Variants in NCOA4 observed in about 807,000 individuals in gnomAD.
The protein encoded by NCOA4 is 70 kDa AR-activator.
In NCOA4, 31 loss-of-function variants were observed where a neutral mutation model predicts 69.5. The ratio of observed to expected loss-of-function variants is 0.45; its 90% CI spans 0.34 to 0.60. The LOEUF (loss-of-function observed/expected upper bound fraction) is 0.60. Ranked by LOEUF, NCOA4 falls within the 20% of genes least tolerant of loss-of-function variation. NCOA4 has a pLI of 0.02. For synonymous variants in NCOA4, 228 were observed against 252.4 expected (o/e 0.90, Z 0.92); for missense variants, 600 against 719.2 (o/e 0.83, Z 1.90).
intron 1 of NCOA4, among the ~76,000 whole-genome samples, chr10:46,018,484 A>G (rs1554923771): frequency 1.3e-5 from 2 of 152,220 alleles, no homozygotes; most frequent in African/African-American, 2.4e-5. Flanking sequence ...AGCCTGTTCC[A>G]TGTTTATTAG....
rs782808256 is a variant in NCOA4 at position 46,010,299 on chromosome 10, A to G, written c.1622T>C (p.Leu541Pro). 3 of 1,614,084 alleles carry G rather than the reference A, an allele frequency of 1.9e-6. No homozygotes were observed. Among genetic ancestry groups the G allele is most frequent in the Admixed American group, 1.7e-5 (1 of 59,984 alleles). Reference sequence around the variant, plus strand: ...GAGGTTGCCCATCTTCTTTCCTGGCAGGACCCAGTCAGCTGTGTTAAAGGA... The same window carrying G: ...GAGGTTGCCCATCTTCTTTCCTGGCGGGACCCAGTCAGCTGTGTTAAAGGA... Reference protein sequence around the residue: ...WCSFNTADWVLPGKKMGNLSQ... With the variant: ...WCSFNTADWVPPGKKMGNLSQ... Residue 541 changes from leucine to proline, a missense_variant, in exon 8 of 10, where the codon CTG (leucine) becomes CCG (proline). By Grantham distance (98) the Leu-to-Pro change is moderately conservative (BLOSUM62 -3). Coordinates refer to ENST00000581486, the MANE Select transcript of NCOA4 (RefSeq NM_001145263.2).
intron 1 of NCOA4, chr10:46,022,575 C>G: frequency 2.5e-6 from 1 of 403,154 alleles, no homozygotes; most frequent in Non-Finnish European, 5.0e-6. Context: ...ATTCTCCTGT[C>G]TCAGCCTCCC....
At chr10:46,021,984 A>T in intron 1 of NCOA4, among the ~76,000 whole-genome samples, 1 of 152,106 alleles carries the variant, frequency 6.6e-6, no homozygotes, top group South Asian at 2.1e-4. Flanking sequence ...AAATAAATAA[A>T]CAGTACCCTT....
intron 1 of NCOA4, among the ~76,000 whole-genome samples, chr10:46,023,066 G>A (rs898983780): frequency 2.0e-5 from 3 of 152,208 alleles, no homozygotes; most frequent in Admixed American, 2.0e-4. Flanking sequence ...ATTTTCTAAA[G>A]TAGTAACTGA....
intron 9 of NCOA4, among the ~76,000 whole-genome samples, chr10:46,008,418 A>G (rs1374629340): frequency 6.6e-6 from 1 of 152,228 alleles, no homozygotes; most frequent in African/African-American, 2.4e-5. Flanking sequence ...GATGGCTTGG[A>G]GGAACTCAGG....
At chr10:46,023,319 G>A in intron 1 of NCOA4, 1 of 985,570 alleles carries the variant, frequency 1.0e-6, no homozygotes, top group Non-Finnish European at 1.2e-6. Flanking sequence ...CCCCTGGGCT[G>A]CCAGACGTAC....
At chr10:46,007,578 A>ACC (rs1838910007) in intron 9 of NCOA4, among the ~76,000 whole-genome samples, 1 of 118,764 alleles carries the variant, frequency 8.4e-6, no homozygotes, top group Non-Finnish European at 1.7e-5. Context: ...ACAGCCAGTG[A>ACC]CTCTTTTTTT....
chr10:46,027,509 AG>A, intron 1 of NCOA4: 2 of 1,544,284 alleles, frequency 1.3e-6, no homozygotes, highest in Non-Finnish European at 1.8e-6. Context: ...TCTATGTTGA[AG>A]CAATGTGTCC....
rs564744480 is a variant in NCOA4, at chr10:46,005,099, T to C, written c.*1493A>G. 55 of 186,434 alleles carry C rather than the reference T, an allele frequency of 3.0e-4. No individual in the cohort carries two copies. Among genetic ancestry groups the C allele is most frequent in the Non-Finnish European group, 3.4e-4 (30 of 88,122 alleles). The allele number at this position is 186,434 out of a possible 1,614,324, so 11.5% of individuals were successfully genotyped here. On this transcript the variant is annotated 3_prime_UTR_variant, in exon 10 of 10. Coordinates refer to ENST00000581486, the MANE Select transcript of NCOA4 (RefSeq NM_001145263.2). ...TAACACGCAACAACTATGGCTGTTA[T>C]GCTTTTAATGGAAGCAGATACAAAA...
intron 1 of NCOA4, chr10:46,023,290 T>G: frequency 5.1e-6 from 5 of 985,472 alleles, no homozygotes; most frequent in Non-Finnish European, 6.0e-6. Flanking sequence ...GCTACCGGCC[T>G]CAAGGGCTCC....
chr10:46,028,473 C>CT (rs374795306), intron 1 of NCOA4, among the ~76,000 whole-genome samples: 2 of 150,898 alleles, frequency 1.3e-5, no homozygotes, highest in Non-Finnish European at 2.9e-5. Context: ...TGTGCCGAGC[C>CT]TTTTTTTAAA....
chr10:46,016,470 T>C, intron 2 of NCOA4, 70 bp downstream of exon 2: 1 of 1,323,796 alleles, frequency 7.6e-7, no homozygotes, highest in Admixed American at 2.8e-5. Context: ...AGAGACCAAG[T>C]CCTTGGCCAT....
chr10:46,014,181 A>AT (rs1839400070), intron 5 of NCOA4, among the ~76,000 whole-genome samples: 1 of 151,756 alleles, frequency 6.6e-6, no homozygotes, highest in South Asian at 2.1e-4. Context: ...CGCCCAGCTA[A>AT]TTTTTTTGTA....
intron 1 of NCOA4, among the ~76,000 whole-genome samples, chr10:46,028,351 G>A (rs1376947822): frequency 6.6e-6 from 1 of 152,058 alleles, no homozygotes; most frequent in Non-Finnish European, 1.5e-5. Context: ...ATACTAGAAG[G>A]TAAGTTCCAC....
intron 9 of NCOA4, 42 bp from the exon 10 acceptor site, chr10:46,006,639 G>A: frequency 6.2e-7 from 1 of 1,609,544 alleles, no homozygotes; most frequent in Non-Finnish European, 8.5e-7. Context: ...CTTCAATGAA[G>A]AATAAAAGCA....
intron 1 of NCOA4, among the ~76,000 whole-genome samples, chr10:46,018,218 G>A (rs938711990): frequency 2.6e-5 from 4 of 152,192 alleles, no homozygotes; most frequent in Admixed American, 2.6e-4. Flanking sequence ...ATTAAAGCTG[G>A]AGGTAACATG....
chr10:46,018,298 G>GT (rs1192353645), intron 1 of NCOA4, among the ~76,000 whole-genome samples: 2 of 152,032 alleles, frequency 1.3e-5, no homozygotes, highest in Admixed American at 6.5e-5. Context: ...CAAAATGTAA[G>GT]TTTTTTCACT....
intron 1 of NCOA4, among the ~76,000 whole-genome samples, chr10:46,029,256 A>C (rs782400178): frequency 6.6e-6 from 1 of 152,218 alleles, no homozygotes; most frequent in Admixed American, 6.5e-5. Flanking sequence ...ACCCAAGGAC[A>C]AAGGCTCCCT....
At chr10:46,019,958 C>T (rs550430390) in intron 1 of NCOA4, among the ~76,000 whole-genome samples, 3 of 152,290 alleles carry the variant, frequency 2.0e-5, no homozygotes, top group East Asian at 1.9e-4. Flanking sequence ...CTCCCTGTGG[C>T]GCAGTTAGAG....
Sources: gnomAD v4.1 joint callset for allele counts (sites outside exome capture counted in the v4.1 genomes callset) on GRCh38, gnomAD v4.1.1 for gene constraint, MANE v1.5 for transcripts, NCBI Gene and HGNC (gene_info 2026-07-23, HGNC 2026-07-21) for gene names.